IP6K1: variants seen among roughly 807,000 people sequenced by gnomAD.
IP6K1 encodes ATP:1D-myo-inositol-hexakisphosphate phosphotransferase.
In IP6K1, 13 loss-of-function variants were observed where a neutral mutation model predicts 38.3. The observed-to-expected ratio is 0.34, with a 90% confidence interval of 0.22 to 0.54. The LOEUF is 0.54. Ranked by LOEUF, IP6K1 falls within the 20% of genes least tolerant of loss-of-function variation. The probability of loss-of-function intolerance (pLI) is 0.92; values close to 1 mark genes in which losing one functional copy is unlikely to be tolerated. For synonymous variants in IP6K1, 212 were observed against 229.9 expected, an observed-to-expected ratio of 0.92 and a Z score of 0.70; for missense variants, 397 against 599.8, an observed-to-expected ratio of 0.66 and a Z score of 3.53.
intron 2 of IP6K1, among the ~76,000 whole-genome samples, chr3:49,746,599 C>T (rs1042991811): frequency 1.4e-5 from 2 of 147,000 alleles, no homozygotes; most frequent in African/African-American, 2.5e-5. Flanking sequence ...CGCTTGAACC[C>T]GGGAGTTGGA....
intron 1 of IP6K1, 89 bp downstream of exon 1, chr3:49,786,264 AC>A: frequency 6.6e-6 from 1 of 151,860 alleles, no homozygotes; most frequent in Non-Finnish European, 1.5e-5. Context: ...CGGAGCCCCG[AC>A]CCCACACGCG....
chr3:49,770,254 G>C (rs34462841), intron 1 of IP6K1, among the ~76,000 whole-genome samples: 1 of 152,260 alleles, frequency 6.6e-6, no homozygotes, highest in Non-Finnish European at 1.5e-5. Flanking sequence ...GGAATAATTT[G>C]TTACAGAGCA....
intron 4 of IP6K1, among the ~76,000 whole-genome samples, chr3:49,729,431 C>T (rs1255283608): frequency 2.0e-5 from 3 of 148,684 alleles, no homozygotes; most frequent in African/African-American, 7.4e-5. Flanking sequence ...TTTTTTGAGA[C>T]GGAGTTTCGC....
Position 49,761,981 on chromosome 3 carries a change from T to G in IP6K1, c.-128-13813A>C, listed in dbSNP as rs138225688. Reference sequence around the variant, plus strand: ...ATTTATTTTTTCTGGTGAGATGGGGTCTCACTGTTGCCCATGCTGAAGTGG... The same window carrying G: ...ATTTATTTTTTCTGGTGAGATGGGGGCTCACTGTTGCCCATGCTGAAGTGG... On this transcript the variant is annotated intron_variant, in intron 1 of 5. Transcript: ENST00000321599. Among the ~76,000 whole-genome samples, 43 of 152,062 alleles carry G rather than the reference T, an allele frequency of 2.8e-4. 1 individual carries two copies. In the East Asian group the frequency reaches 8.1e-3, roughly 29 times the overall value.
intron 1 of IP6K1, among the ~76,000 whole-genome samples, chr3:49,780,370 T>C (rs1447522624): frequency 1.9e-5 from 2 of 107,964 alleles, no homozygotes; most frequent in Non-Finnish European, 4.0e-5. Flanking sequence ...CCAGAATCTA[T>C]TGCTCAAATT....
chr3:49,742,121 A>T (rs568974283), intron 2 of IP6K1, among the ~76,000 whole-genome samples: 1 of 152,130 alleles, frequency 6.6e-6, no homozygotes, highest in South Asian at 2.1e-4. Context: ...AATTCTTAGG[A>T]TCTACTTTAT....
intron 1 of IP6K1, among the ~76,000 whole-genome samples, chr3:49,759,326 A>G (rs764785282): frequency 3.9e-5 from 6 of 152,196 alleles, no homozygotes; most frequent in African/African-American, 1.2e-4. Context: ...ATTCAGCTGC[A>G]GTTAGAGACT....
chr3:49,761,613 CAAAAAAAA>C (rs71080551), intron 1 of IP6K1, among the ~76,000 whole-genome samples: 1 of 91,726 alleles, frequency 1.1e-5, no homozygotes, highest in African/African-American at 4.1e-5. Context: ...GACTCCGTCT[CAAAAAAAA>C]AAAAAAAAAA....
chr3:49,742,350 C>G (rs940291236), intron 2 of IP6K1, among the ~76,000 whole-genome samples: 1 of 151,512 alleles, frequency 6.6e-6, no homozygotes, highest in Non-Finnish European at 1.5e-5. Flanking sequence ...GAGATTGAGA[C>G]CATCCTGGCT....
At chr3:49,750,195 G>A (rs994732101) in intron 1 of IP6K1, among the ~76,000 whole-genome samples, 2 of 152,172 alleles carry the variant, frequency 1.3e-5, no homozygotes, top group African/African-American at 2.4e-5. Flanking sequence ...TTGCAGCTGT[G>A]GATCCTGTTC....
chr3:49,780,285 C>T (rs922862093), intron 1 of IP6K1, among the ~76,000 whole-genome samples: 20 of 134,106 alleles, frequency 1.5e-4, no homozygotes, highest in Admixed American at 7.6e-4. Context: ...CACAGTAGCA[C>T]ACGAGAATCT....
At chr3:49,774,019 A>AC (rs771050058) in intron 1 of IP6K1, among the ~76,000 whole-genome samples, 2 of 102,820 alleles carry the variant, frequency 1.9e-5, no homozygotes, top group African/African-American at 7.0e-5. Flanking sequence ...ACACACACAC[A>AC]ACACACACAT....
intron 4 of IP6K1, 183 bp from the exon 5 acceptor site, chr3:49,728,461 T>C: frequency 1.7e-6 from 1 of 578,112 alleles, no homozygotes; most frequent in Non-Finnish European, 3.1e-6. Flanking sequence ...TGGTAAAATA[T>C]ACATAAAATT....
chr3:49,764,945 T>C (rs1324721039), intron 1 of IP6K1, among the ~76,000 whole-genome samples: 1 of 149,116 alleles, frequency 6.7e-6, no homozygotes, highest in Non-Finnish European at 1.5e-5. Flanking sequence ...ATGAGACACA[T>C]TATAAAACAA....
chr3:49,737,727 C>T (rs1256183536), intron 3 of IP6K1, among the ~76,000 whole-genome samples: 1 of 152,158 alleles, frequency 6.6e-6, no homozygotes, highest in African/African-American at 2.4e-5. Flanking sequence ...AAATCAATTT[C>T]CAACACAACG....
chr3:49,761,740 G>A (rs997935764), intron 1 of IP6K1, among the ~76,000 whole-genome samples: 2 of 152,200 alleles, frequency 1.3e-5, no homozygotes, highest in Middle Eastern at 6.8e-3. Context: ...GATGACTTGA[G>A]GCCAGGAGTT....
At chr3:49,741,039 A>T (rs2080664208) in intron 2 of IP6K1, among the ~76,000 whole-genome samples, 1 of 152,010 alleles carries the variant, frequency 6.6e-6, no homozygotes. Context: ...TAGCAGAGAC[A>T]GGGTTTTGCC....
chr3:49,755,561 A>T (rs530131638), intron 1 of IP6K1, among the ~76,000 whole-genome samples: 12 of 152,352 alleles, frequency 7.9e-5, no homozygotes, highest in Admixed American at 7.8e-4. Context: ...TACAATCCAA[A>T]GGAAAAATAA....
At chr3:49,740,976 G>A (rs2080663018) in intron 2 of IP6K1, among the ~76,000 whole-genome samples, 1 of 151,794 alleles carries the variant, frequency 6.6e-6, no homozygotes, top group African/African-American at 2.4e-5. Flanking sequence ...AGCCTCCTGA[G>A]GAGCGGGGAT....
Sources: gnomAD v4.1 joint callset for allele counts (sites outside exome capture counted in the v4.1 genomes callset) on GRCh38, gnomAD v4.1.1 for gene constraint, MANE v1.5 for transcripts, NCBI Gene and HGNC (gene_info 2026-07-23, HGNC 2026-07-21) for gene names.